ICOS: variants seen among roughly 807,000 people sequenced by gnomAD.
The protein encoded by ICOS is inducible T-cell costimulator.
A neutral mutation model predicts 24.6 loss-of-function variants in ICOS; 15 were observed. The observed-to-expected ratio is 0.61, with a 90% CI of 0.41 to 0.94. ICOS has a LOEUF of 0.94. ICOS is among the 40% of genes least tolerant of loss of function. The pLI, the probability that ICOS is intolerant of heterozygous loss-of-function variation, is 0.00. For missense variants in ICOS, 200 were observed against 233.0 expected (o/e 0.86, Z 0.92); for synonymous variants, 89 against 77.5 (o/e 1.15, Z -0.78).
chr2:203,959,300 C>T (rs570598273), intron 4 of ICOS, among the ~76,000 whole-genome samples: 7 of 152,314 alleles, frequency 4.6e-5, no homozygotes, highest in Non-Finnish European at 5.9e-5. Context: ...GCAGCGCTTT[C>T]TGCCCCAGCA....
At chr2:203,944,596 T>G (rs759149004) in intron 1 of ICOS, among the ~76,000 whole-genome samples, 15 of 152,248 alleles carry the variant, frequency 9.9e-5, no homozygotes, top group Non-Finnish European at 2.1e-4. Context: ...AGCCTTTATA[T>G]TCTTCTGTTA....
At chr2:203,952,269 A>G (rs1406818442) in intron 1 of ICOS, among the ~76,000 whole-genome samples, 1 of 152,210 alleles carries the variant, frequency 6.6e-6, no homozygotes, top group Admixed American at 6.5e-5. Context: ...TTATGGAAGA[A>G]ATCAAAACAT....
Position 203,961,372 on chromosome 2 carries a change from G to C in ICOS, c.*1773G>C, listed in dbSNP as rs4675379. ...TGTGTGGGGTGGGGTATGGGGAGGA[G>C]AACCTTCATGGTGGCCCACCTGGCC... On this transcript the variant is annotated 3_prime_UTR_variant, in exon 5 of 5. Coordinates refer to ENST00000316386, the MANE Select transcript of ICOS (RefSeq NM_012092.4). 0.15 allele frequency: 26,137 copies of C among 174,490 alleles called. 2,068 individuals are homozygous for C. Among genetic ancestry groups the C allele is most frequent in the South Asian group, 0.28 (1,404 of 4,982 alleles). 10.8% of individuals were successfully genotyped at this position (174,490 alleles called of 1,614,324 possible).
chr2:203,951,576 C>A (rs1689974201), intron 1 of ICOS, among the ~76,000 whole-genome samples: 1 of 152,138 alleles, frequency 6.6e-6, no homozygotes, highest in Admixed American at 6.5e-5. Flanking sequence ...CATTCATGTC[C>A]TCTTGTGTTT....
intron 4 of ICOS, among the ~76,000 whole-genome samples, chr2:203,958,498 A>G (rs1369314947): frequency 6.6e-6 from 1 of 152,180 alleles, no homozygotes; most frequent in African/African-American, 2.4e-5. Context: ...AAGTTTGAGG[A>G]GCACCCAGAA....
intron 4 of ICOS, 149 bp from the exon 5 acceptor site, chr2:203,959,437 T>G (rs1290900165): frequency 8.0e-6 from 6 of 753,166 alleles, no homozygotes; most frequent in South Asian, 7.2e-5. Flanking sequence ...AAAGATGAGT[T>G]TGCATGGTGT....
At chr2:203,950,547 G>A (rs1052204412) in intron 1 of ICOS, among the ~76,000 whole-genome samples, 14 of 152,122 alleles carry the variant, frequency 9.2e-5, no homozygotes, top group Non-Finnish European at 2.9e-5. Flanking sequence ...GCTATAGCAA[G>A]CATATCTGTT....
intron 1 of ICOS, among the ~76,000 whole-genome samples, chr2:203,948,078 T>A (rs1194990913): frequency 2.6e-5 from 4 of 152,170 alleles, no homozygotes; most frequent in African/African-American, 4.8e-5. Context: ...CACAGACATA[T>A]AAGAGCCAAG....
intron 1 of ICOS, among the ~76,000 whole-genome samples, chr2:203,954,261 GCTTC>G (rs1431926534): frequency 6.6e-6 from 1 of 152,074 alleles, no homozygotes; most frequent in African/African-American, 2.4e-5. Flanking sequence ...AACAACCTTG[GCTTC>G]CTATAAGCAT....
intron 1 of ICOS, among the ~76,000 whole-genome samples, chr2:203,954,197 C>G (rs545041807): frequency 6.6e-6 from 1 of 152,180 alleles, no homozygotes; most frequent in Non-Finnish European, 1.5e-5. Flanking sequence ...CTGCAACCAC[C>G]AGGCCAAGGT....
Position 203,961,383 on chromosome 2 carries a change from G to A in ICOS, c.*1784G>A, listed in dbSNP as rs1690175953. 1 of 173,898 alleles carries A rather than the reference G, an allele frequency of 5.8e-6. No individual in the cohort carries two copies. Among genetic ancestry groups the A allele is most frequent in the East Asian group, 1.3e-4 (1 of 7,692 alleles). The allele number at this position is 173,898 out of a possible 1,614,324, so 10.8% of individuals were successfully genotyped here. A position where few individuals can be genotyped will look rare whatever the true frequency, so the allele number is the denominator to read the frequency against. The stretch of plus-strand genomic sequence containing the variant: ...GGGTATGGGGAGGAGAACCTTCATG[G>A]TGGCCCACCTGGCCTGGTTGTCCAA... On this transcript the variant is annotated 3_prime_UTR_variant, in exon 5 of 5. Coordinates refer to ENST00000316386, the MANE Select transcript of ICOS (RefSeq NM_012092.4).
chr2:203,938,039 C>G (rs1036220358), intron 1 of ICOS, among the ~76,000 whole-genome samples: 1 of 152,186 alleles, frequency 6.6e-6, no homozygotes, highest in East Asian at 1.9e-4. Context: ...GGTACTGTGC[C>G]AGATGGTGTA....
At chr2:203,940,858 A>G (rs1285518345) in intron 1 of ICOS, among the ~76,000 whole-genome samples, 1 of 151,786 alleles carries the variant, frequency 6.6e-6, no homozygotes, top group Non-Finnish European at 1.5e-5. Context: ...ATCTCGGCTT[A>G]CTGCAACCTC....
chr2:203,943,903 C>A (rs1217229298), intron 1 of ICOS, among the ~76,000 whole-genome samples: 1 of 152,008 alleles, frequency 6.6e-6, no homozygotes, highest in Non-Finnish European at 1.5e-5. Context: ...CTGAGTCATG[C>A]AGGTTGTCAG....
chr2:203,940,303 C>G (rs1168911435), intron 1 of ICOS, among the ~76,000 whole-genome samples: 4 of 152,224 alleles, frequency 2.6e-5, no homozygotes, highest in Non-Finnish European at 4.4e-5. Context: ...AGTTGCAGAT[C>G]ATTGCTAGGT....
chr2:203,944,598 C>T (rs1446762040), intron 1 of ICOS, among the ~76,000 whole-genome samples: 1 of 152,164 alleles, frequency 6.6e-6, no homozygotes, highest in East Asian at 1.9e-4. Context: ...CCTTTATATT[C>T]TTCTGTTAAT....
intron 3 of ICOS, among the ~76,000 whole-genome samples, 175 bp downstream of exon 3, chr2:203,956,940 A>T (rs1022432189): frequency 2.0e-5 from 3 of 152,106 alleles, no homozygotes; most frequent in Non-Finnish European, 4.4e-5. Flanking sequence ...AAATTTATGT[A>T]TTTGTTTTAT....
Position 203,957,849 on chromosome 2 carries a change from A to G in ICOS, c.552A>G (p.Arg184=), listed in dbSNP as rs1471545594. 1.9e-6 allele frequency: 3 copies of G among 1,613,166 alleles called. No homozygotes were observed. The highest frequency in any genetic ancestry group is 2.5e-6 in the Non-Finnish European group (3 of 1,179,188). The change falls in exon 4 of 5, where the codon AGA becomes AGG. Residue 184 remains arginine, a synonymous_variant. Coordinates refer to ENST00000316386, the MANE Select transcript of ICOS (RefSeq NM_012092.4). ...CTAACGGTGAATACATGTTCATGAG[A>G]GCAGTGAACACAGCCAAAAAATCTA... ...HDPNGEYMFM[R]AVNTAKKSRL...
chr2:203,941,609 G>T (rs1046562450), intron 1 of ICOS, among the ~76,000 whole-genome samples: 9 of 152,248 alleles, frequency 5.9e-5, no homozygotes, highest in African/African-American at 2.2e-4. Flanking sequence ...TTAAAAATGA[G>T]TTTTAAAATC....
Sources: allele counts gnomAD v4.1 joint callset (sites outside exome capture counted in the v4.1 genomes callset), GRCh38; gene constraint gnomAD v4.1.1; transcripts MANE v1.5; gene names NCBI Gene and HGNC (gene_info 2026-07-23, HGNC 2026-07-21).